The following TRPM6 variants were observed in gnomAD, a reference collection of about 807,000 sequenced individuals.
TRPM6 encodes the protein transient receptor potential cation channel subfamily M member 6.
In TRPM6, 111 loss-of-function variants were observed where a neutral mutation model predicts 247.6. The observed-to-expected ratio is 0.45, with a 90% CI of 0.38 to 0.52. The LOEUF is 0.52. TRPM6 is among the 20% of genes least tolerant of loss of function. The pLI is 0.00. For synonymous variants in TRPM6, 892 were observed against 853.8 expected (o/e 1.04, Z -0.78); for missense variants, 2,126 against 2,421.5 (o/e 0.88, Z 2.56).
chr9:74,774,057 T>C (rs985351586), intron 24 of TRPM6, among the ~76,000 whole-genome samples: 1 of 152,218 alleles, frequency 6.6e-6, no homozygotes, highest in Non-Finnish European at 1.5e-5. Context: ...TATGTGGCGC[T>C]TTCCTGTAAT....
chr9:74,843,614 C>A (rs1830012474), intron 3 of TRPM6, among the ~76,000 whole-genome samples: 1 of 151,682 alleles, frequency 6.6e-6, no homozygotes, highest in African/African-American at 2.4e-5. Flanking sequence ...CGAGACCATC[C>A]TGGCTAACGT....
intron 1 of TRPM6, among the ~76,000 whole-genome samples, chr9:74,872,248 A>G (rs1831050432): frequency 6.6e-6 from 1 of 150,620 alleles, no homozygotes; most frequent in African/African-American, 2.4e-5. Flanking sequence ...GTCCTCCCAA[A>G]GTGCTGGAAT....
At chr9:74,801,243 A>ATTTT (rs59490187) in intron 16 of TRPM6, among the ~76,000 whole-genome samples, 42 of 85,292 alleles carry the variant, frequency 4.9e-4, no homozygotes, top group African/African-American at 5.7e-4. Flanking sequence ...AAGCCTGGGA[A>ATTTT]TTTTTTTTTT....
chr9:74,768,284 GCTCA>G (rs1587484892), intron 25 of TRPM6, among the ~76,000 whole-genome samples: 1 of 152,100 alleles, frequency 6.6e-6, no homozygotes, highest in East Asian at 1.9e-4. Flanking sequence ...TTAACTCTCA[GCTCA>G]CTAGGTTCCC....
At chr9:74,758,386 T>C (rs1333011291) in intron 27 of TRPM6, among the ~76,000 whole-genome samples, 1 of 151,946 alleles carries the variant, frequency 6.6e-6, no homozygotes, top group Admixed American at 6.6e-5. Context: ...TAATGAAAAG[T>C]TTAGCAAAAT....
At chr9:74,819,860 G>C (rs1829079302) in intron 9 of TRPM6, among the ~76,000 whole-genome samples, 1 of 152,168 alleles carries the variant, frequency 6.6e-6, no homozygotes, top group South Asian at 2.1e-4. Context: ...GTAGAGTCTA[G>C]TATTTGAAGC....
At chr9:74,815,029 G>C (rs538628388) in intron 11 of TRPM6, among the ~76,000 whole-genome samples, 148 of 152,050 alleles carry the variant, frequency 9.7e-4, no homozygotes, top group Non-Finnish European at 1.5e-3. Flanking sequence ...GGAAAGATAG[G>C]GAACATGGGA....
rs1344094563 is a variant in TRPM6, at chr9:74,887,511, C to A, written c.33+313G>T. The A allele has an allele frequency of 1.2e-5, 14 of 1,157,290 alleles. No homozygotes were observed. In the South Asian group the frequency reaches 1.8e-4, roughly 15 times the overall value. 71.7% of individuals were successfully genotyped at this position (1,157,290 alleles called of 1,614,324 possible). On this transcript the variant is annotated intron_variant, in intron 1 of 38. Coordinates refer to ENST00000360774, the MANE Select transcript of TRPM6 (RefSeq NM_017662.5). Reference sequence around the variant, plus strand: ...CCTCCTCTCCCGGGGTGTTTCCCACCGCCCCGAGCTGAACCCCCGACCCCC... The same window carrying A: ...CCTCCTCTCCCGGGGTGTTTCCCACAGCCCCGAGCTGAACCCCCGACCCCC...
intron 9 of TRPM6, among the ~76,000 whole-genome samples, chr9:74,818,212 T>C (rs992553438): frequency 6.6e-6 from 1 of 151,772 alleles, no homozygotes; most frequent in Non-Finnish European, 1.5e-5. Context: ...CTTAACTTAC[T>C]GATTACTGTG....
intron 30 of TRPM6, among the ~76,000 whole-genome samples, chr9:74,749,023 T>A (rs1826147244): frequency 1.3e-5 from 2 of 152,128 alleles, no homozygotes; most frequent in African/African-American, 4.8e-5. Context: ...TTTTTTGTGT[T>A]TAGTTACACA....
intron 6 of TRPM6, among the ~76,000 whole-genome samples, chr9:74,832,115 T>C (rs1232643397): frequency 6.6e-6 from 1 of 152,148 alleles, no homozygotes; most frequent in Non-Finnish European, 1.5e-5. Flanking sequence ...AACCTGATCA[T>C]ACCTCTCAAT....
chr9:74,852,508 CT>C, intron 3 of TRPM6, among the ~76,000 whole-genome samples: 1 of 152,200 alleles, frequency 6.6e-6, no homozygotes, highest in Admixed American at 6.5e-5. Context: ...TGGTCTCCCT[CT>C]CCCCCTCTCT....
At chr9:74,806,862 C>G (rs1250323550) in intron 14 of TRPM6, among the ~76,000 whole-genome samples, 1 of 152,202 alleles carries the variant, frequency 6.6e-6, no homozygotes, top group Non-Finnish European at 1.5e-5. Context: ...AAACTCTGCA[C>G]TCCACTGGAA....
intron 6 of TRPM6, among the ~76,000 whole-genome samples, chr9:74,832,965 T>C (rs925271779): frequency 2.6e-5 from 4 of 151,700 alleles, no homozygotes; most frequent in Non-Finnish European, 5.9e-5. Context: ...GCAAGAGAAT[T>C]GCTTGAACCC....
At chr9:74,773,456 C>A (rs2118889003) in intron 24 of TRPM6, among the ~76,000 whole-genome samples, 1 of 152,326 alleles carries the variant, frequency 6.6e-6, no homozygotes, top group Non-Finnish European at 1.5e-5. Flanking sequence ...TTATAAATAA[C>A]TCATTAAAAA....
intron 1 of TRPM6, among the ~76,000 whole-genome samples, chr9:74,875,558 A>G (rs1284839230): frequency 2.0e-5 from 3 of 152,098 alleles, no homozygotes; most frequent in African/African-American, 7.2e-5. Flanking sequence ...ATTAAAAATA[A>G]TAATAATAAT....
At chr9:74,776,129 T>G in intron 23 of TRPM6, 53 bp from the exon 24 acceptor site, 1 of 1,485,206 alleles carries the variant, frequency 6.7e-7, no homozygotes, top group Non-Finnish European at 9.4e-7. Context: ...TCTTGAAAGG[T>G]AACAGAGTCT....
rs542997557 is a variant in TRPM6 at position 74,887,013 on chromosome 9, T to C, written c.33+811A>G. Among the ~76,000 whole-genome samples the C allele has an allele frequency of 2.0e-5, 3 of 152,312 alleles. No homozygotes were observed. In the East Asian group the frequency reaches 5.8e-4, roughly 29 times the overall value. ...ACAGTGTGAGAAAGTCCAGACAAAA[T>C]AGGCGAGACCAAGAAATTACCAGGA... On this transcript the variant is annotated intron_variant, in intron 1 of 38. Transcript: ENST00000360774.
At chr9:74,757,289 G>A (rs1264668762) in intron 27 of TRPM6, among the ~76,000 whole-genome samples, 1 of 151,164 alleles carries the variant, frequency 6.6e-6, no homozygotes, top group African/African-American at 2.4e-5. Flanking sequence ...GAATGAAACA[G>A]AAATCAGAGG....
Sources: allele counts gnomAD v4.1 joint callset (sites outside exome capture counted in the v4.1 genomes callset), GRCh38; gene constraint gnomAD v4.1.1; transcripts MANE v1.5; gene names NCBI Gene and HGNC (gene_info 2026-07-23, HGNC 2026-07-21).